The following ZSCAN21 variants were observed in gnomAD, a reference collection of about 807,000 sequenced individuals.
ZSCAN21 encodes the protein zinc finger and SCAN domain-containing protein 21.
ZSCAN21 carries 26 observed loss-of-function variants against 35.6 expected under a neutral mutation model. The observed-to-expected ratio is 0.73, with a 90% CI of 0.54 to 1.01. The LOEUF is 1.01. ZSCAN21 is among the 50% of genes least tolerant of loss of function. The pLI, the probability that ZSCAN21 is intolerant of heterozygous loss-of-function variation, is 0.00. For missense variants in ZSCAN21, 593 were observed against 587.1 expected (o/e 1.01, Z -0.10); for synonymous variants, 219 against 219.3 (o/e 1.00, Z 0.01).
At chr7:100,052,788 T>G (rs538368194) in intron 1 of ZSCAN21, among the ~76,000 whole-genome samples, 37 of 152,126 alleles carry the variant, frequency 2.4e-4, no homozygotes, top group African/African-American at 8.7e-4. Flanking sequence ...GGCCCTCTAC[T>G]CGTTTGTAGT....
At position 100,064,368 on chromosome 7, in the gene ZSCAN21, C is replaced by A; in HGVS notation, c.1173C>A (p.Asn391Lys). ...IHTGEKPYQCNECGKSFSQHA... is the reference protein window; with the variant it reads ...IHTGEKPYQCKECGKSFSQHA... Reference sequence around the variant, plus strand: ...CTGGGGAGAAGCCTTATCAGTGTAACGAATGTGGGAAGAGCTTCAGTCAGC... The same window carrying A: ...CTGGGGAGAAGCCTTATCAGTGTAAAGAATGTGGGAAGAGCTTCAGTCAGC... Residue 391 changes from asparagine (N) to lysine (K), a missense_variant, in exon 4 of 4, where the codon AAC becomes AAA. By Grantham distance (94) the Asn-to-Lys change is moderately conservative. Coordinates refer to ENST00000292450, the MANE Select transcript of ZSCAN21 (RefSeq NM_145914.3). The A allele has an allele frequency of 6.2e-7, 1 of 1,614,030 alleles. No individual in the cohort carries two copies. The highest frequency in any genetic ancestry group is 8.5e-7 in the Non-Finnish European group (1 of 1,180,022).
chr7:100,054,373 C>T (rs1045769934), intron 1 of ZSCAN21, among the ~76,000 whole-genome samples: 12 of 151,600 alleles, frequency 7.9e-5, no homozygotes, highest in Non-Finnish European at 1.5e-4. Flanking sequence ...TCTCAGCCTC[C>T]CATGTAGTTG....
At chr7:100,053,571 A>G (rs138046923) in intron 1 of ZSCAN21, among the ~76,000 whole-genome samples, 3,145 of 91,332 alleles carry the variant, frequency 0.034, 153 homozygotes, top group African/African-American at 0.12. Flanking sequence ...TTTTTTTTGC[A>G]ACAGAGTCTT....
chr7:100,062,729 G>T (rs1440908089), intron 3 of ZSCAN21, among the ~76,000 whole-genome samples: 1 of 151,914 alleles, frequency 6.6e-6, no homozygotes, highest in African/African-American at 2.4e-5. Flanking sequence ...ACAAAAATTA[G>T]CTGGGCGTGG....
At chr7:100,052,256 C>T (rs1791906723) in intron 1 of ZSCAN21, among the ~76,000 whole-genome samples, 1 of 151,846 alleles carries the variant, frequency 6.6e-6, no homozygotes, top group African/African-American at 2.4e-5. Flanking sequence ...GACCCTGCCT[C>T]TGTAATTGAA....
chr7:100,053,221 T>C, intron 1 of ZSCAN21, among the ~76,000 whole-genome samples: 1 of 151,754 alleles, frequency 6.6e-6, no homozygotes, highest in Admixed American at 6.6e-5. Context: ...CCAAGGAAAC[T>C]TTTTTTTCTG....
intron 2 of ZSCAN21, 73 bp downstream of exon 2, chr7:100,057,478 C>T: frequency 6.7e-7 from 1 of 1,487,130 alleles, no homozygotes; most frequent in Non-Finnish European, 8.9e-7. Flanking sequence ...AGGGTTTGTC[C>T]ATACATTAAG....
intron 3 of ZSCAN21, among the ~76,000 whole-genome samples, chr7:100,058,272 A>AG (rs1408212415): frequency 6.6e-6 from 1 of 152,138 alleles, no homozygotes; most frequent in Non-Finnish European, 1.5e-5. Flanking sequence ...CTAAAGGGAC[A>AG]GAGGGGGACC....
chr7:100,056,495 C>T (rs975343756), intron 1 of ZSCAN21, among the ~76,000 whole-genome samples: 7 of 151,304 alleles, frequency 4.6e-5, no homozygotes, highest in African/African-American at 1.2e-4. Flanking sequence ...GATGGAATCT[C>T]GCTCTGTTGC....
chr7:100,056,929 A>G lies in ZSCAN21; in HGVS notation c.-78A>G. On this transcript the variant is annotated 5_prime_UTR_variant, in exon 2 of 4. Transcript: ENST00000292450. Reference sequence around the variant, plus strand: ...TTCTTAGGTTTAACTTGTGGCCCTAAAGAACTGGAAACCCAAAGGAACGAA... The same window carrying G: ...TTCTTAGGTTTAACTTGTGGCCCTAGAGAACTGGAAACCCAAAGGAACGAA... 7.0e-7 allele frequency: 1 copy of G among 1,428,410 alleles called. No individual in the cohort carries two copies. Among genetic ancestry groups the G allele is most frequent in the Non-Finnish European group, 9.4e-7 (1 of 1,068,774 alleles). 88.5% of individuals were successfully genotyped at this position (1,428,410 alleles called of 1,614,324 possible).
intron 3 of ZSCAN21, among the ~76,000 whole-genome samples, chr7:100,059,186 A>G (rs1792189697): frequency 6.6e-6 from 1 of 152,228 alleles, no homozygotes; most frequent in Non-Finnish European, 1.5e-5. Flanking sequence ...GTGAAACTCC[A>G]TCATGGAAAC....
At position 100,064,091 on chromosome 7, in the gene ZSCAN21, A is replaced by C; in HGVS notation, c.896A>C (p.His299Pro). The C allele has an allele frequency of 6.2e-7, 1 of 1,614,196 alleles. No individual in the cohort carries two copies. The highest frequency in any genetic ancestry group is 8.5e-7 in the Non-Finnish European group (1 of 1,180,044). ...AATCTCACCAAACACAGGAGAACAC[A>C]CACTGGGGAGAAACCTTACGTGTGC... ...SSNLTKHRRT[H>P]TGEKPYVCTK... The change falls in exon 4 of 4, where the codon CAC becomes CCC. Residue 299 changes from histidine (H) to proline (P), a missense_variant. Physicochemically the swap from His to Pro is moderately conservative, Grantham distance 77. Transcript: ENST00000292450.
intron 3 of ZSCAN21, among the ~76,000 whole-genome samples, chr7:100,061,948 G>A (rs769896295): frequency 2.0e-5 from 3 of 152,190 alleles, no homozygotes; most frequent in African/African-American, 4.8e-5. Context: ...CTGGTGAGGC[G>A]TTCTAAAAAG....
chr7:100,059,696 G>A (rs1330257460), intron 3 of ZSCAN21, among the ~76,000 whole-genome samples: 4 of 152,000 alleles, frequency 2.6e-5, no homozygotes, highest in Non-Finnish European at 5.9e-5. Context: ...GGAACTACAG[G>A]TGCACACCAC....
chr7:100,051,057 G>A (rs1056747115), intron 1 of ZSCAN21, among the ~76,000 whole-genome samples: 38 of 149,814 alleles, frequency 2.5e-4, no homozygotes, highest in Admixed American at 3.4e-4. Context: ...CGGGCGTGGT[G>A]GCACATGCCT....
intron 1 of ZSCAN21, among the ~76,000 whole-genome samples, chr7:100,051,061 C>T (rs1317724133): frequency 2.7e-5 from 4 of 149,404 alleles, no homozygotes; most frequent in Non-Finnish European, 4.4e-5. Context: ...CGTGGTGGCA[C>T]ATGCCTGTAA....
Position 100,064,888 on chromosome 7 carries a change from G to A in ZSCAN21, c.*271G>A, listed in dbSNP as rs202042885. 3.5e-5 allele frequency: 57 copies of A among 1,613,790 alleles called. No homozygotes were observed. The highest frequency in any genetic ancestry group is 2.8e-4 in the African/African-American group (21 of 74,940). On this transcript the variant is annotated 3_prime_UTR_variant, in exon 4 of 4. Transcript: ENST00000292450. The stretch of plus-strand genomic sequence containing the variant: ...AAGCCATGCCAGCATTACCTTTTGC[G>A]TAGTTAAACAGACGTGTATCCAGTC...
rs11558476 is a variant in ZSCAN21, at chr7:100,057,066, G to A, written c.60G>A (p.Gln20=). The A allele has an allele frequency of 0.29, 475,717 of 1,613,822 alleles. 74,350 individuals carry two copies. Among genetic ancestry groups the A allele is most frequent in the Middle Eastern group, 0.5 (3,007 of 6,036 alleles). Residue 20 remains glutamine, a synonymous_variant, in exon 2 of 4, where the codon CAG becomes CAA. Coordinates refer to ENST00000292450, the MANE Select transcript of ZSCAN21 (RefSeq NM_145914.3). ...PVLGPRPPQE[Q]VGPLMVKVEE... ...TGGGCCCTAGGCCTCCACAGGAGCAGGTGGGGCCTCTGATGGTAAAAGTCG... is the reference window on the plus strand; with the variant it reads ...TGGGCCCTAGGCCTCCACAGGAGCAAGTGGGGCCTCTGATGGTAAAAGTCG...
chr7:100,064,932 TAA>T lies in ZSCAN21; in HGVS notation c.*316_*317del. The T allele has an allele frequency of 1.9e-6, 3 of 1,610,336 alleles. No homozygotes were observed. The highest frequency in any genetic ancestry group is 2.5e-6 in the Non-Finnish European group (3 of 1,178,296). ...TCCAGTCTAGTTAAGGAAGAAACAT[TAA>T]GATTGTTTAATTTTTAACATATATT... On this transcript the variant is annotated 3_prime_UTR_variant, in exon 4 of 4. Transcript: ENST00000292450.
Sources: gnomAD v4.1 joint callset for allele counts (sites outside exome capture counted in the v4.1 genomes callset) on GRCh38, gnomAD v4.1.1 for gene constraint, MANE v1.5 for transcripts, NCBI Gene and HGNC (gene_info 2026-07-23, HGNC 2026-07-21) for gene names.